KCTD1: variants seen among roughly 807,000 people sequenced by gnomAD.
KCTD1 encodes the protein potassium channel tetramerization domain containing 1, also known as BTB/POZ domain-containing protein KCTD1.
KCTD1 carries 24 observed loss-of-function variants against 66.0 expected under a neutral mutation model. The observed-to-expected ratio is 0.36, with a 90% CI of 0.26 to 0.51. The LOEUF (loss-of-function observed/expected upper bound fraction) is 0.51, where lower values mean the gene tolerates loss of function less well. Among genes scored for constraint, KCTD1 ranks in the 20% least tolerant of loss-of-function variants. KCTD1 has a pLI of 0.95. For missense variants in KCTD1, 943 were observed against 1,205.2 expected, an observed-to-expected ratio of 0.78 and a Z score of 3.22; for synonymous variants, 511 against 517.2, an observed-to-expected ratio of 0.99 and a Z score of 0.16.
intron 1 of KCTD1, among the ~76,000 whole-genome samples, chr18:26,564,710 T>C (rs1039170319): frequency 6.6e-6 from 1 of 152,014 alleles, no homozygotes; most frequent in Non-Finnish European, 1.5e-5. Context: ...ATCGACATGG[T>C]GAAACCCTGT....
chr18:26,580,235 G>T (rs548542422), intron 1 of KCTD1, among the ~76,000 whole-genome samples: 2 of 152,080 alleles, frequency 1.3e-5, no homozygotes, highest in Admixed American at 1.3e-4. Context: ...AGAATCACGC[G>T]AATGCATAAT....
Position 26,547,115 on chromosome 18 carries a change from G to A in KCTD1, c.1422C>T (p.Pro474=), listed in dbSNP as rs1985276992. 3 of 1,549,600 alleles carry A rather than the reference G, an allele frequency of 1.9e-6. No homozygotes were observed. The highest frequency in any genetic ancestry group is 2.6e-6 in the Non-Finnish European group (3 of 1,146,856). Residue 474 remains proline, a synonymous_variant, in exon 1 of 5, where the codon CCC becomes CCT. Transcript: ENST00000580059. ...CCTCGGCGTAGCAGCCCTGCGGGGC[G>A]GGCGAGCCCAGCTTGGTGCCAATGC... is the stretch of plus-strand genomic sequence containing the variant. The part of the protein sequence containing the change: ...IAGIGTKLGS[P]APQGCYAEAL...
rs748051992 is a variant in KCTD1 at position 26,547,094 on chromosome 18, G to T, written c.1443C>A (p.Ala481=). 116 of 1,545,964 alleles carry T rather than the reference G, an allele frequency of 7.5e-5. No individual in the cohort carries two copies. In the Admixed American group the frequency reaches 8.8e-4, roughly 12 times the overall value. The change falls in exon 1 of 5, where the codon GCC becomes GCA. Residue 481 remains alanine (A), a synonymous_variant. Coordinates refer to ENST00000580059, the MANE Select transcript of KCTD1 (RefSeq NM_001142730.3). The part of the protein sequence containing the change: ...LGSPAPQGCY[A]EALNGAARHH... The stretch of plus-strand genomic sequence containing the variant: ...GCCGTGCCGCCCCGTTCAGAGCCTC[G>T]GCGTAGCAGCCCTGCGGGGCGGGCG...
At chr18:26,524,163 T>A (rs1212841339) in intron 1 of KCTD1, among the ~76,000 whole-genome samples, 2 of 152,202 alleles carry the variant, frequency 1.3e-5, no homozygotes, top group African/African-American at 4.8e-5. Flanking sequence ...GATCTAGACC[T>A]CACCAGGCAC....
At chr18:26,526,552 G>A (rs1234468978) in intron 1 of KCTD1, among the ~76,000 whole-genome samples, 1 of 152,150 alleles carries the variant, frequency 6.6e-6, no homozygotes, top group Non-Finnish European at 1.5e-5. Flanking sequence ...TTGAGATGAG[G>A]CTGGAATAGC....
At chr18:26,651,440 C>T (rs1178931406) in intron 1 of KCTD1, among the ~76,000 whole-genome samples, 2 of 152,086 alleles carry the variant, frequency 1.3e-5, no homozygotes, top group African/African-American at 2.4e-5. Context: ...GGAGGTACAG[C>T]TAGGGTTAGG....
intron 1 of KCTD1, among the ~76,000 whole-genome samples, chr18:26,647,341 C>CT (rs1555649515): frequency 1.8e-5 from 2 of 109,722 alleles, no homozygotes; most frequent in African/African-American, 5.6e-5. Flanking sequence ...ACCCCCCCCC[C>CT]ATCTCTACTA....
At chr18:26,520,767 C>T (rs969920735) in intron 1 of KCTD1, among the ~76,000 whole-genome samples, 2 of 152,216 alleles carry the variant, frequency 1.3e-5, no homozygotes, top group African/African-American at 4.8e-5. Flanking sequence ...CAAACTCCTC[C>T]TCCAGCTTGC....
chr18:26,607,005 C>G (rs909502387), intron 1 of KCTD1, among the ~76,000 whole-genome samples: 3 of 152,110 alleles, frequency 2.0e-5, no homozygotes, highest in African/African-American at 7.2e-5. Flanking sequence ...AGTTTCTTGT[C>G]CCTACCTGGG....
chr18:26,565,342 G>T (rs1247686010), intron 1 of KCTD1, among the ~76,000 whole-genome samples: 1 of 152,156 alleles, frequency 6.6e-6, no homozygotes, highest in Non-Finnish European at 1.5e-5. Flanking sequence ...GCTGAATCAA[G>T]TTGTCTTTAC....
intron 1 of KCTD1, among the ~76,000 whole-genome samples, chr18:26,635,243 C>T (rs1598977758): frequency 6.6e-6 from 1 of 152,200 alleles, no homozygotes; most frequent in Admixed American, 6.5e-5. Flanking sequence ...TGACACTAAG[C>T]AAAACCTGTG....
At position 26,514,343 on chromosome 18, in the gene KCTD1, A is replaced by G. The variant is rs949277774; in HGVS notation, c.1810-13093T>C. 2.0e-5 allele frequency among the ~76,000 whole-genome samples: 3 copies of G among 152,086 alleles called. No individual in the cohort carries two copies. In the South Asian group the frequency reaches 6.2e-4, roughly 32 times the overall value. The stretch of plus-strand genomic sequence containing the variant: ...TGAAGTAGGAGGGCTGCTTGCGGCC[A>G]GGAGTTCGAGACCAGCCTGGGCAAC... On this transcript the variant is annotated intron_variant, in intron 1 of 4. Coordinates refer to ENST00000580059, the MANE Select transcript of KCTD1 (RefSeq NM_001142730.3).
chr18:26,499,188 G>A (rs1450050263), intron 2 of KCTD1, among the ~76,000 whole-genome samples: 13 of 151,860 alleles, frequency 8.6e-5, no homozygotes, highest in Admixed American at 8.5e-4. Flanking sequence ...TTGAAGGTTT[G>A]CTTTTTTGTC....
chr18:26,486,941 G>C (rs892197848), intron 2 of KCTD1, among the ~76,000 whole-genome samples: 2 of 152,112 alleles, frequency 1.3e-5, no homozygotes, highest in Non-Finnish European at 2.9e-5. Flanking sequence ...TTAACACAGC[G>C]CTTAATTCAA....
intron 1 of KCTD1, among the ~76,000 whole-genome samples, chr18:26,503,725 GA>G (rs1321797627): frequency 6.6e-6 from 1 of 152,094 alleles, no homozygotes; most frequent in African/African-American, 2.4e-5. Flanking sequence ...AGAAAAAAAT[GA>G]AAGCATAACT....
intron 1 of KCTD1, among the ~76,000 whole-genome samples, chr18:26,501,566 T>G (rs1044785462): frequency 5.3e-5 from 8 of 152,244 alleles, no homozygotes; most frequent in African/African-American, 1.7e-4. Flanking sequence ...TAGTATGATA[T>G]GAAAAGTCTA....
At chr18:26,562,216 C>T (rs1427405517) in intron 1 of KCTD1, among the ~76,000 whole-genome samples, 1 of 152,092 alleles carries the variant, frequency 6.6e-6, no homozygotes, top group East Asian at 1.9e-4. Context: ...CACTGAAGCA[C>T]CAAGCCCTGC....
chr18:26,647,552 A>C (rs1011303161), intron 1 of KCTD1, among the ~76,000 whole-genome samples: 10 of 129,700 alleles, frequency 7.7e-5, no homozygotes, highest in African/African-American at 3.0e-4. Flanking sequence ...AAAAAAAAAA[A>C]AAGGGCTGAA....
chr18:26,589,940 C>A, intron 1 of KCTD1, among the ~76,000 whole-genome samples: 1 of 152,190 alleles, frequency 6.6e-6, no homozygotes, highest in East Asian at 1.9e-4. Flanking sequence ...AGATTATTGG[C>A]AGCCACCTTG....
Sources: allele counts gnomAD v4.1 joint callset (sites outside exome capture counted in the v4.1 genomes callset), GRCh38; gene constraint gnomAD v4.1.1; transcripts MANE v1.5; gene names NCBI Gene and HGNC (gene_info 2026-07-23, HGNC 2026-07-21).